Variants in ZNF729 observed in about 807,000 individuals in gnomAD.
The protein encoded by ZNF729 is zinc finger protein 729.
A neutral mutation model predicts 12.2 loss-of-function variants in ZNF729; 15 were observed. The observed-to-expected ratio is 1.23, with a 90% confidence interval of 0.82 to 1.89. The LOEUF is 1.89. ZNF729 is among the 40% of genes most tolerant of loss of function. The probability of loss-of-function intolerance (pLI) is 0.00; values close to 1 mark genes in which losing one functional copy is unlikely to be tolerated. For synonymous variants in ZNF729, 492 were observed against 476.3 expected, an observed-to-expected ratio of 1.03 and a Z score of -0.43; for missense variants, 1,540 against 1,456.7, an observed-to-expected ratio of 1.06 and a Z score of -0.93.
chr19:22,305,429 CAG>C (rs985095191), intron 3 of ZNF729, among the ~76,000 whole-genome samples: 1 of 151,914 alleles, frequency 6.6e-6, no homozygotes, highest in Non-Finnish European at 1.5e-5. Context: ...AATGGGGTCT[CAG>C]TGTCTGCAAC....
At chr19:22,301,611 A>G (rs1407712113) in intron 1 of ZNF729, among the ~76,000 whole-genome samples, 1 of 152,312 alleles carries the variant, frequency 6.6e-6, no homozygotes, top group African/African-American at 2.4e-5. Context: ...TGAGATGTCA[A>G]CGTAGAGATC....
At chr19:22,308,064 G>T (rs1038334856) in intron 3 of ZNF729, among the ~76,000 whole-genome samples, 4 of 151,882 alleles carry the variant, frequency 2.6e-5, no homozygotes, top group Admixed American at 6.6e-5. Context: ...TCATTCTTAT[G>T]CCTTTGCATC....
rs1271123463 is a variant in ZNF729 at position 22,314,977 on chromosome 19, A to C, written c.1560A>C (p.Glu520Asp). ...GAAAGAAACCCTACAAATGTGAAGA[A>C]TGTGGGAAAGCTTTTAGCCAGTCCT... is the stretch of plus-strand genomic sequence containing the variant. ...HTGKKPYKCE[E>D]CGKAFSQSST... Residue 520 changes from glutamate (E) to aspartate (D), a missense_variant, in exon 4 of 4, where the codon GAA becomes GAC. Coordinates refer to ENST00000601693, the MANE Select transcript of ZNF729 (RefSeq NM_001242680.2). The C allele has an allele frequency of 3.1e-6, 5 of 1,612,116 alleles. No homozygotes were observed. The East Asian group carries it at 8.9e-5, about 29-fold the overall frequency.
chr19:22,313,943 A>C lies in ZNF729; in HGVS notation c.526A>C (p.Lys176Gln), dbSNP rs191961918. Reference protein sequence around the residue: ...YSNRNKVRHTKKKTFKCIKCS... With the variant: ...YSNRNKVRHTQKKTFKCIKCS... ...AAATAGAAATAAGGTTAGACACACTAAAAAGAAAACTTTCAAATGTATAAA... is the reference window on the plus strand; with the variant it reads ...AAATAGAAATAAGGTTAGACACACTCAAAAGAAAACTTTCAAATGTATAAA... Residue 176 changes from lysine (K) to glutamine (Q), a missense_variant, in exon 4 of 4, where the codon AAA becomes CAA. Physicochemically the swap from Lys to Gln is moderately conservative, Grantham distance 53 (BLOSUM62 1). Coordinates refer to ENST00000601693, the MANE Select transcript of ZNF729 (RefSeq NM_001242680.2). 1,039 of 1,535,022 alleles carry C rather than the reference A, an allele frequency of 6.8e-4. 3 individuals are homozygous for C. The African/African-American group carries it at 0.013, about 19-fold the overall frequency.
At chr19:22,294,657 C>CTTTTTTTTT (rs71180535) in intron 1 of ZNF729, among the ~76,000 whole-genome samples, 4 of 92,436 alleles carry the variant, frequency 4.3e-5, no homozygotes, top group South Asian at 3.8e-4. Flanking sequence ...TTTTCTTTTT[C>CTTTTTTTTT]TTTTTTTTTT....
chr19:22,290,788 T>C (rs756644333), intron 1 of ZNF729, among the ~76,000 whole-genome samples: 1 of 152,206 alleles, frequency 6.6e-6, no homozygotes, highest in Non-Finnish European at 1.5e-5. Flanking sequence ...GTGCAGAGTC[T>C]GTGTCTGGCT....
At chr19:22,309,055 T>G (rs1968418842) in intron 3 of ZNF729, among the ~76,000 whole-genome samples, 1 of 152,258 alleles carries the variant, frequency 6.6e-6, no homozygotes, top group South Asian at 2.1e-4. Flanking sequence ...ATTTAAGTCC[T>G]TAATCCATCT....
chr19:22,304,200 G>A (rs547432885), intron 2 of ZNF729, among the ~76,000 whole-genome samples: 1 of 151,876 alleles, frequency 6.6e-6, no homozygotes, highest in African/African-American at 2.4e-5. Flanking sequence ...CACCACACCC[G>A]GCTAATTTTT....
chr19:22,302,992 C>T (rs1221635938), intron 1 of ZNF729, among the ~76,000 whole-genome samples: 1 of 152,152 alleles, frequency 6.6e-6, no homozygotes, highest in Admixed American at 6.5e-5. Context: ...CCAGGCTGGT[C>T]TTGAGCTCCT....
intron 1 of ZNF729, among the ~76,000 whole-genome samples, chr19:22,288,311 G>GTTTTTTTT: frequency 8.0e-6 from 1 of 124,888 alleles, no homozygotes; most frequent in Non-Finnish European, 1.8e-5. Context: ...TCTTTGTACT[G>GTTTTTTTT]TTTTTTTTTT....
chr19:22,307,501 C>T (rs112535242), intron 3 of ZNF729, among the ~76,000 whole-genome samples: 3,791 of 150,504 alleles, frequency 0.025, 155 homozygotes, highest in African/African-American at 0.088. Context: ...CCCAGCACTT[C>T]GGGAGGCCAA....
intron 1 of ZNF729, among the ~76,000 whole-genome samples, chr19:22,291,345 C>A (rs1265178984): frequency 2.0e-5 from 3 of 152,026 alleles, no homozygotes; most frequent in Non-Finnish European, 4.4e-5. Flanking sequence ...TGATAACAGA[C>A]CCCCTTTTTC....
intron 3 of ZNF729, 30 bp from the exon 4 acceptor site, chr19:22,313,641 G>A (rs1449199451): frequency 3.5e-6 from 5 of 1,429,216 alleles, no homozygotes; most frequent in Admixed American, 3.2e-5. Context: ...TCTAGCAAGT[G>A]GAATAATTTG....
rs757216137 is a variant in ZNF729, at chr19:22,316,423, C to T, written c.3006C>T (p.Asn1002=). 2 of 1,612,784 alleles carry T rather than the reference C, an allele frequency of 1.2e-6. No homozygotes were observed. Among genetic ancestry groups the T allele is most frequent in the African/African-American group, 2.7e-5 (2 of 74,666 alleles). Residue 1002 remains asparagine (N), a synonymous_variant, in exon 4 of 4, where the codon AAC becomes AAT. Coordinates refer to ENST00000601693, the MANE Select transcript of ZNF729 (RefSeq NM_001242680.2). ...GCGAAGAATGTGGCAAAGATTTTAA[C>T]AATTCCTCAACCCTTAAGAAACATA... ...YKCEECGKDF[N]NSSTLKKHKL...
chr19:22,295,038 T>TGTGTGTGTGTGTG (rs1568571621), intron 1 of ZNF729, among the ~76,000 whole-genome samples: 54 of 144,132 alleles, frequency 3.7e-4, no homozygotes, highest in African/African-American at 1.2e-3. Context: ...TCCTAGATAT[T>TGTGTGTGTGTGTG]TGTGTGTGTG....
At position 22,314,246 on chromosome 19, in the gene ZNF729, T is replaced by G; in HGVS notation, c.829T>G (p.Ser277Ala). 1 of 1,608,490 alleles carries G rather than the reference T, an allele frequency of 6.2e-7. No individual in the cohort carries two copies. The highest frequency in any genetic ancestry group is 8.5e-7 in the Non-Finnish European group (1 of 1,177,882). ...EECGKAFNQS[S>A]NLTDHKRIHT... ...ATGTGGCAAAGCTTTTAACCAGTCC[T>G]CAAATCTTACTGACCATAAGAGAAT... Residue 277 changes from serine to alanine, a missense_variant, in exon 4 of 4, where the codon TCA becomes GCA. Physicochemically the swap from Ser to Ala is moderately conservative, Grantham distance 99. Coordinates refer to ENST00000601693, the MANE Select transcript of ZNF729 (RefSeq NM_001242680.2).
At chr19:22,312,882 T>C (rs1968469000) in intron 3 of ZNF729, among the ~76,000 whole-genome samples, 1 of 151,974 alleles carries the variant, frequency 6.6e-6, no homozygotes, top group Admixed American at 6.6e-5. Context: ...CCCAGCTAAT[T>C]TTCTATTTTT....
chr19:22,303,076 T>C (rs1968334362), intron 1 of ZNF729, among the ~76,000 whole-genome samples: 1 of 152,138 alleles, frequency 6.6e-6, no homozygotes. Context: ...CGCCTGGCCT[T>C]TTAAGTATCT....
Position 22,312,114 on chromosome 19 carries a change from C to A in ZNF729, c.254-1557C>A, listed in dbSNP as rs140335487. On this transcript the variant is annotated intron_variant, in intron 3 of 3. Transcript: ENST00000601693. ...ATGCCATTAGGGGAAGAGGTATCCTCATTTTTTTCAATTTTTTATAGTGAT... is the reference window on the plus strand; with the variant it reads ...ATGCCATTAGGGGAAGAGGTATCCTAATTTTTTTCAATTTTTTATAGTGAT... Among the ~76,000 whole-genome samples, 295 of 152,190 alleles carry A rather than the reference C, an allele frequency of 1.9e-3. 1 individual carries two copies. The highest frequency in any genetic ancestry group is 6.8e-3 in the African/African-American group (281 of 41,530).
Sources: allele counts gnomAD v4.1 joint callset (sites outside exome capture counted in the v4.1 genomes callset), GRCh38; gene constraint gnomAD v4.1.1; transcripts MANE v1.5; gene names NCBI Gene and HGNC (gene_info 2026-07-23, HGNC 2026-07-21).